The following ABCC1 variants were observed in gnomAD, a reference collection of about 807,000 sequenced individuals.
ABCC1 encodes the protein ATP binding cassette subfamily C member 1 (ABCC1 blood group).
ABCC1 carries 83 observed loss-of-function variants against 172.9 expected under a neutral mutation model. The ratio of observed to expected loss-of-function variants is 0.48; its 90% confidence interval spans 0.40 to 0.58. The LOEUF is 0.58. Among genes scored for constraint, ABCC1 ranks in the 20% least tolerant of loss-of-function variants. The probability of loss-of-function intolerance (pLI) is 0.00; values close to 1 mark genes in which losing one functional copy is unlikely to be tolerated. For missense variants in ABCC1, 1,817 were observed against 2,002.7 expected (o/e 0.91, Z 1.77); for synonymous variants, 937 against 825.2 (o/e 1.14, Z -2.32).
At chr16:16,035,354 G>A (rs45618445) in intron 6 of ABCC1, among the ~76,000 whole-genome samples, 3,612 of 152,102 alleles carry the variant, frequency 0.024, 131 homozygotes, top group African/African-American at 0.082. Context: ...CTGAGATGGC[G>A]CCATTACACT....
chr16:16,125,986 C>G, intron 26 of ABCC1, 75 bp downstream of exon 26: 1 of 1,045,110 alleles, frequency 9.6e-7, no homozygotes. Flanking sequence ...GGACCCTATC[C>G]TGTGCACCTC....
At chr16:15,978,703 A>G (rs1203387643) in intron 1 of ABCC1, among the ~76,000 whole-genome samples, 1 of 152,096 alleles carries the variant, frequency 6.6e-6, no homozygotes, top group African/African-American at 2.4e-5. Flanking sequence ...GTCACTAAAT[A>G]CTGGTGGCAG....
chr16:15,953,582 G>C lies in ABCC1; in HGVS notation c.48+3783G>C, dbSNP rs1018156559. 2.6e-5 allele frequency among the ~76,000 whole-genome samples: 4 copies of C among 152,126 alleles called. No homozygotes were observed. The South Asian group carries it at 8.3e-4, about 32-fold the overall frequency. On this transcript the variant is annotated intron_variant, in intron 1 of 30. Coordinates refer to ENST00000399410, the MANE Select transcript of ABCC1 (RefSeq NM_004996.4). The stretch of plus-strand genomic sequence containing the variant: ...GCAAGGACTTAAAATGTTGCTGCTT[G>C]GCACACAGCGCTCAGTAAAGATCAG...
At chr16:16,112,234 C>T (rs1413147237) in intron 22 of ABCC1, among the ~76,000 whole-genome samples, 9 of 152,118 alleles carry the variant, frequency 5.9e-5, no homozygotes, top group South Asian at 4.2e-4. Context: ...TGGTGGTATG[C>T]GCTTGTGGTC....
Position 16,114,753 on chromosome 16 carries a change from C to G in ABCC1, c.3080-13C>G, listed in dbSNP as rs760483183. The G allele has an allele frequency of 1.3e-6, 2 of 1,576,948 alleles. No individual in the cohort carries two copies. The highest frequency in any genetic ancestry group is 1.7e-5 in the Admixed American group (1 of 58,776). On this transcript the variant is annotated splice_polypyrimidine_tract_variant and intron_variant, in intron 22 of 30. Coordinates refer to ENST00000399410, the MANE Select transcript of ABCC1 (RefSeq NM_004996.4). ...TCTCTGCATTGTGGAGTTTTAACTC[C>G]GAGTGTCTGCAGGGATCGCCGTGTT...
intron 6 of ABCC1, among the ~76,000 whole-genome samples, chr16:16,033,790 C>T (rs45622738): frequency 6.6e-6 from 1 of 151,824 alleles, no homozygotes; most frequent in Non-Finnish European, 1.5e-5. Context: ...TGCCCGGCTA[C>T]TTTTTGTATT....
Position 16,131,812 on chromosome 16 carries a change from A to T in ABCC1, c.3843A>T (p.Thr1281=). ...AGGCGCCCTGGCAAATCCAGGAGAC[A>T]GCTCCGCCCAGCAGCTGGCCCCAGG... ...EKEAPWQIQE[T]APPSSWPQVG... The change falls in exon 27 of 31, where the codon ACA becomes ACT. Residue 1281 remains threonine (T), a synonymous_variant. Coordinates refer to ENST00000399410, the MANE Select transcript of ABCC1 (RefSeq NM_004996.4). 1 of 1,613,986 alleles carries T rather than the reference A, an allele frequency of 6.2e-7. No individual in the cohort carries two copies. Among genetic ancestry groups the T allele is most frequent in the Non-Finnish European group, 8.5e-7 (1 of 1,179,946 alleles).
chr16:16,017,580 C>G (rs8059648), intron 5 of ABCC1, among the ~76,000 whole-genome samples: 18,608 of 152,066 alleles, frequency 0.12, 1,532 homozygotes, highest in African/African-American at 0.23. Context: ...TGCTCCCCAA[C>G]TTGGCTTACT....
chr16:16,046,517 G>A (rs368126178), intron 9 of ABCC1, among the ~76,000 whole-genome samples: 1 of 152,012 alleles, frequency 6.6e-6, no homozygotes, highest in Non-Finnish European at 1.5e-5. Context: ...GCTAATTTTT[G>A]TATTTTTAGT....
chr16:16,078,626 C>T (rs879708954), intron 15 of ABCC1, among the ~76,000 whole-genome samples: 16 of 152,130 alleles, frequency 1.1e-4, no homozygotes, highest in Non-Finnish European at 4.4e-5. Context: ...CTTTCTCCGG[C>T]TCTCCACATG....
chr16:16,071,123 AC>A (rs1567371328), intron 13 of ABCC1, among the ~76,000 whole-genome samples: 1 of 151,832 alleles, frequency 6.6e-6, no homozygotes, highest in African/African-American at 2.4e-5. Flanking sequence ...TCACTCTGTC[AC>A]CCAGGCTGGA....
intron 23 of ABCC1, among the ~76,000 whole-genome samples, chr16:16,117,287 A>G (rs1277531481): frequency 6.6e-6 from 1 of 152,186 alleles, no homozygotes; most frequent in Non-Finnish European, 1.5e-5. Context: ...TGAGAGCACC[A>G]CGAAGTCGGG....
chr16:16,051,338 G>A (rs1263391464), intron 10 of ABCC1, among the ~76,000 whole-genome samples: 1 of 151,858 alleles, frequency 6.6e-6, no homozygotes, highest in Admixed American at 6.6e-5. Flanking sequence ...GCCTGGCTAA[G>A]TTATTTATTT....
At chr16:16,042,767 A>T (rs144546099) in intron 7 of ABCC1, among the ~76,000 whole-genome samples, 1 of 151,970 alleles carries the variant, frequency 6.6e-6, no homozygotes, top group Non-Finnish European at 1.5e-5. Context: ...TTATTGAGAT[A>T]TTCATACACC....
intron 1 of ABCC1, among the ~76,000 whole-genome samples, chr16:15,956,721 AAG>A (rs1020861626): frequency 2.6e-5 from 4 of 152,322 alleles, no homozygotes; most frequent in African/African-American, 2.4e-5. Flanking sequence ...ATTAATTCAT[AAG>A]AGAGATTTTT....
intron 1 of ABCC1, among the ~76,000 whole-genome samples, chr16:15,974,231 T>C (rs775516434): frequency 8.5e-5 from 13 of 152,144 alleles, no homozygotes; most frequent in Non-Finnish European, 1.6e-4. Flanking sequence ...GAGATTTTAT[T>C]ATTTATTTTC....
At chr16:15,998,067 C>G (rs1005761809) in intron 1 of ABCC1, among the ~76,000 whole-genome samples, 2 of 151,778 alleles carry the variant, frequency 1.3e-5, no homozygotes, top group Non-Finnish European at 2.9e-5. Context: ...AGTGATCTGC[C>G]CTCCTCAGCC....
chr16:16,064,950 A>G (rs2050058473), intron 12 of ABCC1, among the ~76,000 whole-genome samples: 1 of 152,242 alleles, frequency 6.6e-6, no homozygotes, highest in African/African-American at 2.4e-5. Context: ...TCTTTGGAAT[A>G]AGGGCGGCTT....
intron 6 of ABCC1, 64 bp from the exon 7 acceptor site, chr16:16,036,408 C>T: frequency 1.3e-6 from 2 of 1,513,240 alleles, no homozygotes; most frequent in Non-Finnish European, 1.8e-6. Context: ...GTGAGTGAGC[C>T]CCGTCCTCCC....
Sources: gnomAD v4.1 joint callset for allele counts (sites outside exome capture counted in the v4.1 genomes callset) on GRCh38, gnomAD v4.1.1 for gene constraint, MANE v1.5 for transcripts, NCBI Gene and HGNC (gene_info 2026-07-23, HGNC 2026-07-21) for gene names.